Variants in HSPA12A observed in about 807,000 individuals in gnomAD.
HSPA12A encodes heat shock 70 kDa protein 12A.
HSPA12A carries 28 observed loss-of-function variants against 69.2 expected under a neutral mutation model. The ratio of observed to expected loss-of-function variants is 0.40; its 90% CI spans 0.30 to 0.55. The LOEUF is 0.55. Ranked by LOEUF, HSPA12A falls within the 20% of genes least tolerant of loss-of-function variation. HSPA12A has a pLI of 0.38. For missense variants in HSPA12A, 686 were observed against 900.7 expected (o/e 0.76, Z 3.05); for synonymous variants, 345 against 370.5 (o/e 0.93, Z 0.79).
intron 6 of HSPA12A, among the ~76,000 whole-genome samples, chr10:116,689,428 G>A (rs1335726347): frequency 2.6e-5 from 4 of 152,100 alleles, no homozygotes; most frequent in African/African-American, 9.7e-5. Flanking sequence ...TTGGGTAGAA[G>A]GGTCAGTGGG....
chr10:116,717,716 C>T (rs1291405041), intron 1 of HSPA12A, among the ~76,000 whole-genome samples: 2 of 152,142 alleles, frequency 1.3e-5, no homozygotes, highest in African/African-American at 2.4e-5. Context: ...GCTGAAAAAA[C>T]GACCGTGTGC....
chr10:116,810,463 G>A (rs967814682), intron 2 of HSPA12A, among the ~76,000 whole-genome samples: 2 of 152,106 alleles, frequency 1.3e-5, no homozygotes, highest in African/African-American at 4.8e-5. Context: ...TCCTTTTGAA[G>A]GTAAAGTTAT....
chr10:116,784,671 G>A (rs571214392), intron 2 of HSPA12A, among the ~76,000 whole-genome samples: 8 of 152,286 alleles, frequency 5.3e-5, no homozygotes, highest in Non-Finnish European at 8.8e-5. Flanking sequence ...GCTCCTTCCC[G>A]TTCCCTCCAC....
intron 6 of HSPA12A, among the ~76,000 whole-genome samples, chr10:116,685,923 G>A (rs1470172754): frequency 2.0e-5 from 3 of 152,132 alleles, no homozygotes; most frequent in Non-Finnish European, 2.9e-5. Context: ...TGCACTGTCC[G>A]TGGCGAACCC....
upstream of HSPA12A, among the ~76,000 whole-genome samples, chr10:116,744,134 C>G (rs751152419): frequency 6.6e-6 from 1 of 152,232 alleles, no homozygotes; most frequent in Non-Finnish European, 1.5e-5. Context: ...CCCCACCCTA[C>G]TCCAGCTCCA....
At chr10:116,698,037 G>GT (rs1217441378) in intron 5 of HSPA12A, 1 of 104,224 alleles carries the variant, frequency 9.6e-6, no homozygotes, top group East Asian at 3.1e-4. Context: ...AACATTCATT[G>GT]TAAGATAGAT....
chr10:116,785,927 C>T lies in HSPA12A; in HGVS notation c.91+49008G>A, dbSNP rs143537868. On this transcript the variant is annotated intron_variant, in intron 2 of 12. Transcript: ENST00000635765. Reference sequence around the variant, plus strand: ...AGGCCCACCCCATGGCCTACTCAGACTCTGCCTGAGTGGTCTAGCATCCTC... The same window carrying T: ...AGGCCCACCCCATGGCCTACTCAGATTCTGCCTGAGTGGTCTAGCATCCTC... Among the ~76,000 whole-genome samples the T allele has an allele frequency of 2.7e-4, 41 of 152,282 alleles. No individual in the cohort carries two copies. In the East Asian group the frequency reaches 7.8e-3, roughly 29 times the overall value.
At chr10:116,822,371 G>A (rs573539224) in intron 2 of HSPA12A, among the ~76,000 whole-genome samples, 1 of 152,322 alleles carries the variant, frequency 6.6e-6, no homozygotes, top group East Asian at 1.9e-4. Flanking sequence ...AACAATTCAG[G>A]AATGGCTTGT....
intron 3 of HSPA12A, among the ~76,000 whole-genome samples, chr10:116,703,410 T>C (rs1850136357): frequency 6.6e-6 from 1 of 152,080 alleles, no homozygotes; most frequent in Non-Finnish European, 1.5e-5. Flanking sequence ...GGTATGCACC[T>C]GTAGTCTCAG....
At chr10:116,730,463 G>A (rs1851115542) in intron 1 of HSPA12A, among the ~76,000 whole-genome samples, 1 of 152,162 alleles carries the variant, frequency 6.6e-6, no homozygotes, top group Non-Finnish European at 1.5e-5. Flanking sequence ...CAGGCATGGG[G>A]TGTTGAGTGC....
intron 2 of HSPA12A, among the ~76,000 whole-genome samples, chr10:116,786,483 G>A (rs1029956073): frequency 1.3e-4 from 20 of 151,796 alleles, no homozygotes; most frequent in African/African-American, 4.6e-4. Context: ...AATCTCAAAG[G>A]GATCCATGAT....
intron 2 of HSPA12A, among the ~76,000 whole-genome samples, chr10:116,756,091 A>G (rs782482901): frequency 3.7e-4 from 56 of 152,348 alleles, no homozygotes; most frequent in Middle Eastern, 3.4e-3. Context: ...AGCCTGTAGA[A>G]AGATCAAACA....
At chr10:116,849,050 C>A (rs905464327) in intron 1 of HSPA12A, among the ~76,000 whole-genome samples, 1 of 152,150 alleles carries the variant, frequency 6.6e-6, no homozygotes, top group African/African-American at 2.4e-5. Flanking sequence ...TGCCCTGAGC[C>A]CCTACATCCC....
intron 1 of HSPA12A, among the ~76,000 whole-genome samples, chr10:116,722,229 G>A (rs781975676): frequency 4.6e-5 from 7 of 152,188 alleles, no homozygotes; most frequent in Admixed American, 2.6e-4. Context: ...GACGGGTCAG[G>A]CGCAGGGTGA....
At chr10:116,684,913 G>C (rs75079653) in intron 6 of HSPA12A, among the ~76,000 whole-genome samples, 1 of 152,006 alleles carries the variant, frequency 6.6e-6, no homozygotes, top group Non-Finnish European at 1.5e-5. Context: ...CCCTTCTGAG[G>C]ATGCTCAGAG....
At chr10:116,745,087 G>A (rs1212970319), upstream of HSPA12A, among the ~76,000 whole-genome samples, 4 of 152,146 alleles carry the variant, frequency 2.6e-5, no homozygotes, top group African/African-American at 9.7e-5. Flanking sequence ...AATCAATCAC[G>A]TGGCTTGCTC....
rs1475293331 is a variant in HSPA12A, at chr10:116,686,821, A to AC, written c.664-2860dup. On this transcript the variant is annotated intron_variant, in intron 6 of 11. Transcript: ENST00000369209. This position sits in a 1 kb window ranked among gnomAD's most constrained non-coding sequence, Gnocchi z 4.1. ...TTCCCACACCATAAGCTCCACCCCCACCCCTTCCCAAACCATAAGCTCCAC... is the reference window on the plus strand; with the variant it reads ...TTCCCACACCATAAGCTCCACCCCCACCCCCTTCCCAAACCATAAGCTCCAC... Among the ~76,000 whole-genome samples, 1 of 59,372 alleles carries AC rather than the reference A, an allele frequency of 1.7e-5. No homozygotes were observed. The highest frequency in any genetic ancestry group is 3.4e-5 in the Non-Finnish European group (1 of 29,250). 39.0% of individuals were successfully genotyped at this position (59,372 alleles called of 152,430 possible). A position where few individuals can be genotyped will look rare whatever the true frequency, so the allele number is the denominator to read the frequency against.
At chr10:116,705,883 T>C (rs1359717870) in intron 2 of HSPA12A, among the ~76,000 whole-genome samples, 5 of 148,024 alleles carry the variant, frequency 3.4e-5, no homozygotes, top group African/African-American at 1.2e-4. Flanking sequence ...TCCAAGCCTT[T>C]CTCTCTCTCC....
At chr10:116,682,314 C>T (rs1849432063) in intron 7 of HSPA12A, among the ~76,000 whole-genome samples, 1 of 152,154 alleles carries the variant, frequency 6.6e-6, no homozygotes, top group East Asian at 1.9e-4. Flanking sequence ...GCCTAGTTTC[C>T]CGGCTTTGCT....
Sources: allele counts gnomAD v4.1 joint callset (sites outside exome capture counted in the v4.1 genomes callset), GRCh38; gene constraint gnomAD v4.1.1; non-coding constraint Gnocchi (gnomAD v3.1); transcripts MANE v1.5; gene names NCBI Gene and HGNC (gene_info 2026-07-23, HGNC 2026-07-21).